The following PCDHGB4 variants were observed in gnomAD, a reference collection of about 807,000 sequenced individuals.
PCDHGB4 encodes the protein protocadherin gamma-B4.
In PCDHGB4, 38 loss-of-function variants were observed where a neutral mutation model predicts 60.5. The ratio of observed to expected loss-of-function variants is 0.63; its 90% confidence interval spans 0.48 to 0.82. PCDHGB4 has a LOEUF of 0.82. Ranked by LOEUF, PCDHGB4 falls within the 40% of genes least tolerant of loss-of-function variation. The pLI, the probability that PCDHGB4 is intolerant of heterozygous loss-of-function variation, is 0.00. For missense variants in PCDHGB4, 1,109 were observed against 1,209.6 expected, an observed-to-expected ratio of 0.92 and a Z score of 1.23; for synonymous variants, 456 against 509.7, an observed-to-expected ratio of 0.89 and a Z score of 1.42.
In PCDHGB4 at chr5:141,512,237, G is replaced by A. The variant is rs2099884134; in HGVS notation, c.*1064G>A. ...AGGACCAGGTCCCCTTGAGAGGTCA[G>A]AGGGGCCTCTGTGGGTGCTGGGTAC... On this transcript the variant is annotated 3_prime_UTR_variant, in exon 4 of 4. Transcript: ENST00000519479. 1 of 152,774 alleles carries A rather than the reference G, an allele frequency of 6.5e-6. No homozygotes were observed. The highest frequency in any genetic ancestry group is 1.5e-5 in the Non-Finnish European group (1 of 68,148). The allele number at this position is 152,774 out of a possible 1,614,324, so 9.5% of individuals were successfully genotyped here.
rs1168649993 is a variant in PCDHGB4, at chr5:141,432,243, C to G, written c.2397+41962C>G. On this transcript the variant is annotated intron_variant, in intron 1 of 3. Transcript: ENST00000519479. The surrounding 1 kb of genome is among the most constrained non-coding windows in gnomAD (Gnocchi z 6.0). ...ATCACTTATTCCCTGGCTGAGAACA[C>G]CATCCAAGGGGCAAGCCTATCGTCC... 1 of 1,614,244 alleles carries G rather than the reference C, an allele frequency of 6.2e-7. No individual in the cohort carries two copies. Among genetic ancestry groups the G allele is most frequent in the Non-Finnish European group, 8.5e-7 (1 of 1,180,050 alleles).
rs942270362 is a variant in PCDHGB4 at position 141,394,773 on chromosome 5, C to T, written c.2397+4492C>T. On this transcript the variant is annotated intron_variant, in intron 1 of 3. Coordinates refer to ENST00000519479, the MANE Select transcript of PCDHGB4 (RefSeq NM_003736.4). ...CGTCCAGGACCATGGCCAGCCCCCT[C>T]TCTCCGCCACTGTCACGCTCACCGT... 4.3e-5 allele frequency: 70 copies of T among 1,613,400 alleles called. No homozygotes were observed. The highest frequency in any genetic ancestry group is 5.6e-5 in the Non-Finnish European group (66 of 1,179,978).
chr5:141,399,373 GT>G, intron 1 of PCDHGB4: 1 of 1,613,982 alleles, frequency 6.2e-7, no homozygotes. Context: ...GGAGTACAAT[GT>G]CACCATCACA....
Position 141,476,944 on chromosome 5 carries a change from C to A in PCDHGB4, c.2398-17863C>A. The A allele has an allele frequency of 1.9e-6, 3 of 1,614,188 alleles. No individual in the cohort carries two copies. The highest frequency in any genetic ancestry group is 2.5e-6 in the Non-Finnish European group (3 of 1,180,044). ...CAACGGATCTGGATGAAGGCCCCAA[C>A]GGTGAAATTATTTACTCCTTCGGCA... On this transcript the variant is annotated intron_variant, in intron 1 of 3. Transcript: ENST00000519479. This position sits in a 1 kb window ranked among gnomAD's most constrained non-coding sequence, Gnocchi z 7.6.
chr5:141,490,157 G>A lies in PCDHGB4; in HGVS notation c.2398-4650G>A. 6.2e-7 allele frequency: 1 copy of A among 1,614,210 alleles called. No homozygotes were observed. On this transcript the variant is annotated intron_variant, in intron 1 of 3. Transcript: ENST00000519479. The surrounding 1 kb of genome is among the most constrained non-coding windows in gnomAD (Gnocchi z 5.4). ...AGCAGTGGGGCAATCCATGTGTTGG[G>A]TCCCATAGACTTTGAGGAGTCACGT...
chr5:141,494,674 C>A lies in PCDHGB4; in HGVS notation c.2398-133C>A, dbSNP rs532644387. ...ATTTTGTCTTTGGAGATGAGTCCAC[C>A]CCTGCCCCCTCTTAGTCCGTTTTCT... is the stretch of plus-strand genomic sequence containing the variant. On this transcript the variant is annotated intron_variant, in intron 1 of 3. Transcript: ENST00000519479. 3.4e-5 allele frequency: 53 copies of A among 1,545,802 alleles called. No homozygotes were observed. In the African/African-American group the frequency reaches 6.5e-4, roughly 19 times the overall value.
chr5:141,389,874 G>A lies in PCDHGB4; in HGVS notation c.1990G>A (p.Asp664Asn). The A allele has an allele frequency of 6.2e-7, 1 of 1,614,072 alleles. No individual in the cohort carries two copies. Among genetic ancestry groups the A allele is most frequent in the Non-Finnish European group, 8.5e-7 (1 of 1,179,912 alleles). Residue 664 changes from aspartate (D) to asparagine (N), a missense_variant, in exon 1 of 4, where the codon GAC becomes AAC. Coordinates refer to ENST00000519479, the MANE Select transcript of PCDHGB4 (RefSeq NM_003736.4). ...TGCCACGTTGCACCTGGTCTTCGCC[G>A]ACAGCTTGCAGGAGGTGCTGCCGGA... Reference protein sequence around the residue: ...ATATLHLVFADSLQEVLPDIT... With the variant: ...ATATLHLVFANSLQEVLPDIT...
At chr5:141,450,055 G>A (rs1325291695) in intron 1 of PCDHGB4, among the ~76,000 whole-genome samples, 2 of 137,594 alleles carry the variant, frequency 1.5e-5, no homozygotes, top group Non-Finnish European at 3.0e-5. Flanking sequence ...CGCCCAGGCT[G>A]GAATGCAGTG....
At chr5:141,458,434 G>T (rs535464730) in intron 1 of PCDHGB4, among the ~76,000 whole-genome samples, 1 of 152,198 alleles carries the variant, frequency 6.6e-6, no homozygotes, top group African/African-American at 2.4e-5. Context: ...GAAAGAGGAG[G>T]TCCCCCACAT....
intron 1 of PCDHGB4, chr5:141,412,147 G>C (rs1447265509): frequency 6.6e-6 from 1 of 152,176 alleles, no homozygotes; most frequent in East Asian, 1.9e-4. Context: ...GATACAAACT[G>C]CCTAAGAGAA....
intron 1 of PCDHGB4, among the ~76,000 whole-genome samples, chr5:141,479,998 G>A (rs2099511091): frequency 6.6e-6 from 1 of 152,272 alleles, no homozygotes; most frequent in South Asian, 2.1e-4. Flanking sequence ...AGGAGTCTGT[G>A]GCCAAGTTAC....
intron 2 of PCDHGB4, among the ~76,000 whole-genome samples, chr5:141,495,943 C>T (rs998665622): frequency 3.9e-5 from 6 of 152,010 alleles, no homozygotes; most frequent in African/African-American, 1.4e-4. Flanking sequence ...GTCTCTGTGC[C>T]TGTTGTCTTT....
intron 1 of PCDHGB4, chr5:141,411,432 AC>A (rs1483186233): frequency 6.6e-6 from 1 of 151,012 alleles, no homozygotes; most frequent in African/African-American, 2.4e-5. Context: ...ACAAAAAAAA[AC>A]ATTAGCAGAG....
chr5:141,414,909 C>G (rs1230113440), intron 1 of PCDHGB4: 4 of 1,614,220 alleles, frequency 2.5e-6, no homozygotes, highest in Non-Finnish European at 3.4e-6. Context: ...GTTCCACAGG[C>G]GTGGAGCTGG....
intron 1 of PCDHGB4, among the ~76,000 whole-genome samples, chr5:141,445,929 A>G (rs1388363296): frequency 6.6e-6 from 1 of 152,208 alleles, no homozygotes; most frequent in Non-Finnish European, 1.5e-5. Context: ...AAGATATTTG[A>G]ATTATTAAGC....
intron 1 of PCDHGB4, chr5:141,423,752 G>T: frequency 6.2e-6 from 4 of 644,948 alleles, no homozygotes; most frequent in Non-Finnish European, 7.8e-6. Context: ...AAACTGTTTG[G>T]GGGGGGGGTG....
chr5:141,399,745 G>A (rs1472441281), intron 1 of PCDHGB4: 2 of 1,613,194 alleles, frequency 1.2e-6, no homozygotes, highest in African/African-American at 2.7e-5. Flanking sequence ...TGCGCTCAGC[G>A]CAAACGTGAG....
chr5:141,415,885 C>A (rs778154458), intron 1 of PCDHGB4: 7 of 978,904 alleles, frequency 7.2e-6, no homozygotes, highest in Non-Finnish European at 9.6e-6. Context: ...ACAATATTGA[C>A]AATTCCTAAG....
At chr5:141,504,570 AC>A (rs1468526948) in intron 2 of PCDHGB4, among the ~76,000 whole-genome samples, 1 of 148,874 alleles carries the variant, frequency 6.7e-6, no homozygotes, top group Admixed American at 6.9e-5. Flanking sequence ...ATTCTAGGGA[AC>A]ACCATCTGCC....
Sources: allele counts gnomAD v4.1 joint callset (sites outside exome capture counted in the v4.1 genomes callset), GRCh38; gene constraint gnomAD v4.1.1; non-coding constraint Gnocchi (gnomAD v3.1); transcripts MANE v1.5; gene names NCBI Gene and HGNC (gene_info 2026-07-23, HGNC 2026-07-21).